POP1: variants seen among roughly 807,000 people sequenced by gnomAD.
The protein encoded by POP1 is POP1 ribonuclease P/MRP subunit.
Under a neutral mutation model 102.2 loss-of-function variants are expected in POP1, and 75 were observed. That is an observed-to-expected ratio of 0.73 (90% CI 0.61 to 0.89). The LOEUF (loss-of-function observed/expected upper bound fraction) is 0.89, where lower values mean the gene tolerates loss of function less well. POP1 is among the 40% of genes least tolerant of loss of function. The pLI is 0.00. For missense variants in POP1, 1,116 were observed against 1,267.4 expected, an observed-to-expected ratio of 0.88 and a Z score of 1.81; for synonymous variants, 436 against 464.1, an observed-to-expected ratio of 0.94 and a Z score of 0.78.
At chr8:98,151,466 T>C (rs1809510683) in intron 14 of POP1, among the ~76,000 whole-genome samples, 1 of 152,212 alleles carries the variant, frequency 6.6e-6, no homozygotes, top group Admixed American at 6.5e-5. Flanking sequence ...CATGATTTCC[T>C]TTATATTGCA....
At chr8:98,133,019 T>C (rs1223806495) in intron 5 of POP1, among the ~76,000 whole-genome samples, 1 of 128,570 alleles carries the variant, frequency 7.8e-6, no homozygotes, top group African/African-American at 3.0e-5. Flanking sequence ...TCAAGACCAG[T>C]CTGGGCAACA....
rs1816564929 is a variant in POP1, at chr8:98,136,950, A to G, written c.1358A>G (p.His453Arg). 3 of 1,597,292 alleles carry G rather than the reference A, an allele frequency of 1.9e-6. No individual in the cohort carries two copies. The highest frequency in any genetic ancestry group is 2.6e-6 in the Non-Finnish European group (3 of 1,164,634). The change falls in exon 9 of 16, where the codon CAC becomes CGC. Residue 453 changes from histidine (H) to arginine (R), a missense_variant. Coordinates refer to ENST00000401707, the MANE Select transcript of POP1 (RefSeq NM_001145860.2). ...GAAGCAATAAAAGCTGCTTCTGTCC[A>G]CACTGTAAGAGTAAAAGTGACTGTA... ...LTEAIKAASV[H>R]TVGEDTEETP... is the part of the protein sequence containing the mutation.
intron 2 of POP1, among the ~76,000 whole-genome samples, chr8:98,127,032 G>A (rs1816225555): frequency 6.6e-6 from 1 of 152,068 alleles, no homozygotes; most frequent in African/African-American, 2.4e-5. Flanking sequence ...TGAAGGAGCG[G>A]GCAGGTTTGG....
intron 1 of POP1, 25 bp from the exon 2 acceptor site, chr8:98,123,311 A>G (rs375579540): frequency 3.9e-5 from 62 of 1,610,156 alleles, no homozygotes; most frequent in Non-Finnish European, 4.8e-5. Flanking sequence ...CTTTCCCTGT[A>G]TTAAATGTAT....
chr8:98,126,118 G>A (rs1019689170), intron 2 of POP1, among the ~76,000 whole-genome samples: 2 of 151,890 alleles, frequency 1.3e-5, no homozygotes, highest in Non-Finnish European at 2.9e-5. Flanking sequence ...CAAAGTTCTG[G>A]GATTAGAGGT....
intron 9 of POP1, among the ~76,000 whole-genome samples, chr8:98,139,103 G>A (rs375672806): frequency 1.2e-4 from 18 of 152,138 alleles, no homozygotes; most frequent in African/African-American, 2.9e-4. Context: ...CGCCTGCCTC[G>A]GCCTACCAAA....
chr8:98,157,465 C>A, intron 15 of POP1, 152 bp from the exon 16 acceptor site: 1 of 848,278 alleles, frequency 1.2e-6, no homozygotes, highest in Non-Finnish European at 1.8e-6. Context: ...CTAAAATGTA[C>A]TACAGTGTAT....
At chr8:98,127,462 T>C (rs1816240821) in intron 2 of POP1, 133 bp from the exon 3 acceptor site, 9 of 1,049,258 alleles carry the variant, frequency 8.6e-6, no homozygotes, top group Middle Eastern at 4.5e-4. Flanking sequence ...TAAAAATAAG[T>C]AGTAATAGCC....
Position 98,127,634 on chromosome 8 carries a change from T to A in POP1, c.182T>A (p.Val61Asp). ...ACTTCACGACAGCGGCAAACCAGAG[T>A]CAACCCCCATTCTCTGCCTGACCCT... ...PGTSRQRQTR[V>D]NPHSLPDPEV... Residue 61 changes from valine (V) to aspartate (D), a missense_variant, in exon 3 of 16, where the codon GTC becomes GAC. By Grantham distance (152) the Val-to-Asp change is radical. Transcript: ENST00000401707. The A allele has an allele frequency of 1.2e-6, 2 of 1,614,010 alleles. No homozygotes were observed. Among genetic ancestry groups the A allele is most frequent in the Non-Finnish European group, 1.7e-6 (2 of 1,179,988 alleles).
intron 5 of POP1, among the ~76,000 whole-genome samples, chr8:98,132,386 T>G (rs750405197): frequency 6.6e-6 from 1 of 152,202 alleles, no homozygotes; most frequent in Non-Finnish European, 1.5e-5. Context: ...CTGCTGTCAC[T>G]TGTTTGGGTG....
At position 98,127,643 on chromosome 8, in the gene POP1, A is replaced by G. The variant is rs1586229818; in HGVS notation, c.191A>G (p.His64Arg). The change falls in exon 3 of 16, where the codon CAT (histidine) becomes CGT (arginine). Residue 64 changes from histidine (H) to arginine (R), a missense_variant. Transcript: ENST00000401707. The part of the protein sequence containing the change: ...SRQRQTRVNP[H>R]SLPDPEVNEQ... Reference sequence around the variant, plus strand: ...CAGCGGCAAACCAGAGTCAACCCCCATTCTCTGCCTGACCCTGAAGTGAAT... The same window carrying G: ...CAGCGGCAAACCAGAGTCAACCCCCGTTCTCTGCCTGACCCTGAAGTGAAT... 1 of 1,614,020 alleles carries G rather than the reference A, an allele frequency of 6.2e-7. No homozygotes were observed. Among genetic ancestry groups the G allele is most frequent in the African/African-American group, 1.3e-5 (1 of 74,902 alleles).
chr8:98,152,166 T>C (rs62522205), intron 14 of POP1, among the ~76,000 whole-genome samples: 19,325 of 152,254 alleles, frequency 0.13, 1,326 homozygotes, highest in Middle Eastern at 0.26. Context: ...TCCCATAGTA[T>C]GTAGTTGAGA....
At chr8:98,134,206 A>G (rs939520139) in intron 6 of POP1, among the ~76,000 whole-genome samples, 170 bp downstream of exon 6, 2 of 152,238 alleles carry the variant, frequency 1.3e-5, no homozygotes, top group Non-Finnish European at 2.9e-5. Context: ...TGGCTTTTAA[A>G]TAATTTCTAA....
intron 5 of POP1, 87 bp from the exon 6 acceptor site, chr8:98,133,862 A>G (rs1175104979): frequency 1.0e-6 from 1 of 976,510 alleles, no homozygotes; most frequent in African/African-American, 1.6e-5. Flanking sequence ...TAGGCCTCTA[A>G]AGGTTTTGTG....
Position 98,146,673 on chromosome 8 carries a change from T to C in POP1, c.1700T>C (p.Ile567Thr), listed in dbSNP as rs745386866. ...TGTAAGAGTGTCACAGAGAATAAAA[T>C]CTCGGATCAGGTAACTAATAGTGTA... is the stretch of plus-strand genomic sequence containing the variant. ...DICKSVTENK[I>T]SDQDLNRMRS... The change falls in exon 12 of 16, where the codon ATC becomes ACC. Residue 567 changes from isoleucine (I) to threonine (T), a missense_variant. Transcript: ENST00000401707. 6.2e-7 allele frequency: 1 copy of C among 1,608,288 alleles called. No individual in the cohort carries two copies. Among genetic ancestry groups the C allele is most frequent in the South Asian group, 1.1e-5 (1 of 90,948 alleles).
chr8:98,140,452 C>G (rs1254694215), intron 10 of POP1, among the ~76,000 whole-genome samples: 1 of 152,168 alleles, frequency 6.6e-6, no homozygotes, highest in Non-Finnish European at 1.5e-5. Flanking sequence ...AGGTACTGAC[C>G]TAAACTCTAT....
chr8:98,135,570 A>G (rs1177782651), intron 7 of POP1, among the ~76,000 whole-genome samples: 8 of 152,056 alleles, frequency 5.3e-5, no homozygotes, highest in African/African-American at 1.9e-4. Flanking sequence ...TATTTGACTA[A>G]CCCTACCCCT....
At position 98,157,614 on chromosome 8, in the gene POP1, T is replaced by C. The variant is rs1809684724; in HGVS notation, c.2421-3T>C. On this transcript the variant is annotated splice_region_variant and splice_polypyrimidine_tract_variant and intron_variant, in intron 15 of 15. Coordinates refer to ENST00000401707, the MANE Select transcript of POP1 (RefSeq NM_001145860.2). Reference sequence around the variant, plus strand: ...TCAAACGTATGTCTCCAACTTCATGTAGGAGTAGAAAATTACTGAAGCAAC... The same window carrying C: ...TCAAACGTATGTCTCCAACTTCATGCAGGAGTAGAAAATTACTGAAGCAAC... The C allele has an allele frequency of 1.9e-6, 3 of 1,614,124 alleles. No homozygotes were observed. The highest frequency in any genetic ancestry group is 2.5e-6 in the Non-Finnish European group (3 of 1,179,982).
chr8:98,120,493 A>G (rs981138374), intron 1 of POP1, among the ~76,000 whole-genome samples: 2 of 152,162 alleles, frequency 1.3e-5, no homozygotes, highest in Non-Finnish European at 2.9e-5. Flanking sequence ...TTATTTTGAG[A>G]CAGAGTCTCA....
Sources: gnomAD v4.1 joint callset for allele counts (sites outside exome capture counted in the v4.1 genomes callset) on GRCh38, gnomAD v4.1.1 for gene constraint, MANE v1.5 for transcripts, NCBI Gene and HGNC (gene_info 2026-07-23, HGNC 2026-07-21) for gene names.